The following ZNF583 variants were observed in gnomAD, a reference collection of about 807,000 sequenced individuals.
ZNF583 encodes the protein zinc finger protein L3-5.
ZNF583 carries 30 observed loss-of-function variants against 55.3 expected under a neutral mutation model. The observed-to-expected ratio is 0.54, with a 90% CI of 0.41 to 0.74. The LOEUF (loss-of-function observed/expected upper bound fraction) is 0.74, where lower values mean the gene tolerates loss of function less well. ZNF583 is among the 30% of genes least tolerant of loss of function. ZNF583 has a pLI of 0.00. For missense variants in ZNF583, 504 were observed against 664.7 expected (o/e 0.76, Z 2.66); for synonymous variants, 208 against 220.0 (o/e 0.95, Z 0.48).
In ZNF583 at chr19:56,406,170, C is replaced by T. The variant is rs114127390; in HGVS notation, c.-89-856C>T. 4.2e-3 allele frequency among the ~76,000 whole-genome samples: 645 copies of T among 152,244 alleles called. 5 individuals carry two copies. The highest frequency in any genetic ancestry group is 0.015 in the African/African-American group (616 of 41,540). Reference sequence around the variant, plus strand: ...TCATAAGCCAGGACCAGAAGTAGGCCGTCTTGACTCTTTGATCGAGTGTCC... The same window carrying T: ...TCATAAGCCAGGACCAGAAGTAGGCTGTCTTGACTCTTTGATCGAGTGTCC... On this transcript the variant is annotated intron_variant, in intron 1 of 4. Transcript: ENST00000333201.
Position 56,424,353 on chromosome 19 carries a change from A to G in ZNF583, c.1695A>G (p.Val565=), listed in dbSNP as rs189440953. ...CATCAAATCAGTTGCCAAGACCTGT[A>G]GGTTTCATCTCCTGAATATTTCTGG... ...PSTSNQLPRP[V]GFIS The change falls in exon 5 of 5, where the codon GTA becomes GTG. Residue 565 remains valine (V), a synonymous_variant. Transcript: ENST00000333201. 10 of 1,425,808 alleles carry G rather than the reference A, an allele frequency of 7.0e-6. No homozygotes were observed. In the Admixed American group the frequency reaches 1.7e-4, roughly 25 times the overall value. The allele number at this position is 1,425,808 out of a possible 1,614,324, so 88.3% of individuals were successfully genotyped here.
intron 4 of ZNF583, among the ~76,000 whole-genome samples, chr19:56,415,331 A>G (rs1270949709): frequency 6.6e-6 from 1 of 152,082 alleles, no homozygotes; most frequent in Non-Finnish European, 1.5e-5. Context: ...CTGTGGACAT[A>G]AGAGGGTTAT....
chr19:56,404,252 G>A (rs12609819), upstream of ZNF583: 93,940 of 152,656 alleles, frequency 0.62, 29,963 homozygotes, highest in East Asian at 0.9. The surrounding 1 kb of genome is among the most constrained non-coding windows in gnomAD (Gnocchi z 5.2). Context: ...GCCGCCCGGG[G>A]CCCTCGGCCA....
chr19:56,417,765 G>T (rs191679195), intron 4 of ZNF583, among the ~76,000 whole-genome samples: 2 of 152,026 alleles, frequency 1.3e-5, no homozygotes, highest in African/African-American at 4.8e-5. Context: ...GGAGTTTTAA[G>T]GTTTTAGCAT....
rs774280359 is a variant in ZNF583, at chr19:56,424,558, C to T, written c.*190C>T. 8.6e-5 allele frequency: 44 copies of T among 509,960 alleles called. No individual in the cohort carries two copies. The highest frequency in any genetic ancestry group is 1.3e-4 in the Non-Finnish European group (37 of 289,074). 31.6% of individuals were successfully genotyped at this position (509,960 alleles called of 1,614,324 possible). On this transcript the variant is annotated 3_prime_UTR_variant, in exon 5 of 5. Coordinates refer to ENST00000333201, the MANE Select transcript of ZNF583 (RefSeq NM_152478.3). ...AAAAATATGTTTAATCTCATTTCTC[C>T]CTCATTAAAATCCCTCAGTGGCATC...
At chr19:56,411,735 T>C (rs2042242203) in intron 2 of ZNF583, among the ~76,000 whole-genome samples, 1 of 152,230 alleles carries the variant, frequency 6.6e-6, no homozygotes, top group South Asian at 2.1e-4. Flanking sequence ...CTTCCTCAGA[T>C]TTCCTTGTAT....
intron 4 of ZNF583, among the ~76,000 whole-genome samples, chr19:56,422,135 A>G (rs1166913944): frequency 6.6e-6 from 1 of 152,218 alleles, no homozygotes; most frequent in Admixed American, 6.5e-5. Flanking sequence ...ACACCAGGTC[A>G]TGTAGAGTTT....
In ZNF583 at chr19:56,423,051, G is replaced by T; in HGVS notation, c.393G>T (p.Gln131His). 6.2e-7 allele frequency: 1 copy of T among 1,613,934 alleles called. No homozygotes were observed. The highest frequency in any genetic ancestry group is 1.1e-5 in the South Asian group (1 of 91,066). Residue 131 changes from glutamine (Q) to histidine (H), a missense_variant, in exon 5 of 5, where the codon CAG (glutamine) becomes CAT (histidine). Physicochemically the swap from Gln to His is conservative, Grantham distance 24. Transcript: ENST00000333201. ...DCQSEDWYKNQLGSQEVHLSQ... is the reference protein window; with the variant it reads ...DCQSEDWYKNHLGSQEVHLSQ... ...AAAGTGAGGACTGGTATAAGAACCAGCTGGGAAGTCAAGAGGTACATCTTA... is the reference window on the plus strand; with the variant it reads ...AAAGTGAGGACTGGTATAAGAACCATCTGGGAAGTCAAGAGGTACATCTTA...
At chr19:56,405,696 A>G (rs1417594253) in intron 1 of ZNF583, among the ~76,000 whole-genome samples, 2 of 152,212 alleles carry the variant, frequency 1.3e-5, no homozygotes, top group African/African-American at 4.8e-5. Context: ...GGAATTTAAA[A>G]GGAAAAAGGA....
chr19:56,408,977 G>T (rs889864930), intron 2 of ZNF583, among the ~76,000 whole-genome samples: 2 of 149,538 alleles, frequency 1.3e-5, no homozygotes, highest in African/African-American at 2.5e-5. Flanking sequence ...TTTTGCATTT[G>T]CCCCCCCATC....
At position 56,423,280 on chromosome 19, in the gene ZNF583, G is replaced by A. The variant is rs937478661; in HGVS notation, c.622G>A (p.Glu208Lys). ...AATGAAACATAGGAAAGTCTATGTA[G>A]AAAAGAAACTTTTGAAATGTAATGA... ...VEMKHRKVYV[E>K]KKLLKCNDCE... Residue 208 changes from glutamate (E) to lysine (K), a missense_variant, in exon 5 of 5, where the codon GAA becomes AAA. Coordinates refer to ENST00000333201, the MANE Select transcript of ZNF583 (RefSeq NM_152478.3). The A allele has an allele frequency of 1.9e-6, 3 of 1,608,716 alleles. No individual in the cohort carries two copies. In the African/African-American group the frequency reaches 4.0e-5, roughly 22 times the overall value.
At chr19:56,412,437 T>C (rs1021724781) in intron 2 of ZNF583, among the ~76,000 whole-genome samples, 1 of 152,134 alleles carries the variant, frequency 6.6e-6, no homozygotes, top group Non-Finnish European at 1.5e-5. Context: ...ATTTGGGAGC[T>C]GTACTGTAAC....
intron 3 of ZNF583, 92 bp downstream of exon 3, chr19:56,414,177 C>A: frequency 6.5e-7 from 1 of 1,540,156 alleles, no homozygotes; most frequent in Non-Finnish European, 8.8e-7. Flanking sequence ...CACTAAATTT[C>A]CTTTTCTTGT....
intron 4 of ZNF583, among the ~76,000 whole-genome samples, chr19:56,419,474 G>A (rs13346964): frequency 0.038 from 5,757 of 152,140 alleles, 364 homozygotes; most frequent in African/African-American, 0.13. Context: ...GATTACAGGC[G>A]TGAGCCACCA....
At chr19:56,419,902 CTTTTG>C (rs1004442446) in intron 4 of ZNF583, among the ~76,000 whole-genome samples, 8 of 152,014 alleles carry the variant, frequency 5.3e-5, no homozygotes, top group Non-Finnish European at 1.0e-4. Flanking sequence ...AAAGAACCTA[CTTTTG>C]TTTTATTTCC....
chr19:56,412,787 A>G (rs1053044525), intron 2 of ZNF583, among the ~76,000 whole-genome samples: 1 of 152,218 alleles, frequency 6.6e-6, no homozygotes, highest in Non-Finnish European at 1.5e-5. Flanking sequence ...CTGATTATAC[A>G]GATTCAAACA....
At chr19:56,415,247 T>C (rs2042301969) in intron 4 of ZNF583, among the ~76,000 whole-genome samples, 1 of 152,072 alleles carries the variant, frequency 6.6e-6, no homozygotes, top group Non-Finnish European at 1.5e-5. Flanking sequence ...CAATTCTGGG[T>C]AACTAGAAGA....
chr19:56,404,857 G>A lies in ZNF583; in HGVS notation c.-90+405G>A, dbSNP rs534051061. Among the ~76,000 whole-genome samples, 14 of 152,318 alleles carry A rather than the reference G, an allele frequency of 9.2e-5. No homozygotes were observed. Among genetic ancestry groups the A allele is most frequent in the South Asian group, 8.3e-4 (4 of 4,826 alleles). On this transcript the variant is annotated intron_variant, in intron 1 of 4. Coordinates refer to ENST00000333201, the MANE Select transcript of ZNF583 (RefSeq NM_152478.3). The surrounding 1 kb of genome is among the most constrained non-coding windows in gnomAD (Gnocchi z 5.2). ...ACCACGTCACCATGTGTGAGACTGG[G>A]AATGTGTGACAGTGTTAAACTGTCA...
chr19:56,418,626 G>A (rs902708264), intron 4 of ZNF583, among the ~76,000 whole-genome samples: 14 of 152,058 alleles, frequency 9.2e-5, no homozygotes, highest in Non-Finnish European at 8.8e-5. Flanking sequence ...TTATGACCTC[G>A]CTAGATTCAT....
Sources: gnomAD v4.1 joint callset for allele counts (sites outside exome capture counted in the v4.1 genomes callset) on GRCh38, gnomAD v4.1.1 for gene constraint, Gnocchi (gnomAD v3.1) non-coding constraint, MANE v1.5 for transcripts, NCBI Gene and HGNC (gene_info 2026-07-23, HGNC 2026-07-21) for gene names.